FHIT: variants seen among roughly 807,000 people sequenced by gnomAD.
The protein encoded by FHIT is bis(5'-adenosyl)-triphosphatase.
FHIT carries 19 observed loss-of-function variants against 17.9 expected under a neutral mutation model. The ratio of observed to expected loss-of-function variants is 1.06; its 90% confidence interval spans 0.74 to 1.56. The LOEUF is 1.56. FHIT is among the 40% of genes most tolerant of loss of function. FHIT has a pLI of 0.00. For missense variants in FHIT, 248 were observed against 189.2 expected, an observed-to-expected ratio of 1.31 and a Z score of -1.82; for synonymous variants, 81 against 69.7, an observed-to-expected ratio of 1.16 and a Z score of -0.81.
intron 5 of FHIT, among the ~76,000 whole-genome samples, chr3:60,093,746 G>A (rs1029957020): frequency 2.0e-5 from 3 of 152,176 alleles, no homozygotes; most frequent in Non-Finnish European, 4.4e-5. Context: ...GGCTCCTTAT[G>A]AGAATTTAAT....
intron 7 of FHIT, among the ~76,000 whole-genome samples, chr3:60,009,892 C>T (rs1468461618): frequency 6.6e-6 from 1 of 152,148 alleles, no homozygotes; most frequent in Non-Finnish European, 1.5e-5. Context: ...TTTAGAATGG[C>T]TAAATGAAAT....
At chr3:59,985,982 G>C (rs1476461648) in intron 7 of FHIT, among the ~76,000 whole-genome samples, 1 of 152,016 alleles carries the variant, frequency 6.6e-6, no homozygotes, top group Non-Finnish European at 1.5e-5. Flanking sequence ...GAGGAGAGCA[G>C]AGAAAGGATG....
intron 4 of FHIT, among the ~76,000 whole-genome samples, chr3:60,812,232 G>C (rs1269713818): frequency 6.9e-6 from 1 of 144,730 alleles, no homozygotes; most frequent in Non-Finnish European, 1.5e-5. Context: ...GAGTCATCTT[G>C]GCTCACTGCA....
intron 5 of FHIT, among the ~76,000 whole-genome samples, chr3:60,441,012 C>T (rs2030748069): frequency 6.6e-6 from 1 of 152,068 alleles, no homozygotes. Context: ...AAGAGTCATC[C>T]TTTCTTGGAA....
intron 1 of FHIT, among the ~76,000 whole-genome samples, chr3:61,249,930 AACAACACACACACACACACAC>A (rs1301411747): frequency 7.8e-6 from 1 of 128,442 alleles, no homozygotes; most frequent in Non-Finnish European, 1.7e-5. Context: ...TGCAATCAAT[AACAACACACACACACACACAC>A]ACACACACAC....
At chr3:60,394,914 G>A (rs184924683) in intron 5 of FHIT, among the ~76,000 whole-genome samples, 1 of 152,120 alleles carries the variant, frequency 6.6e-6, no homozygotes, top group East Asian at 1.9e-4. Context: ...AAGTTGTGAA[G>A]GAAGACTATA....
At position 59,792,880 on chromosome 3, in the gene FHIT, G is replaced by GA. The variant is rs1553679185; in HGVS notation, c.349-40560_349-40559insT. ...TGGAGGTCCTTATTTTTTGGGGGGG[G>GA]GGGTCATGAACCTCCTTGAAAATCT... On this transcript the variant is annotated intron_variant, in intron 8 of 9. Coordinates refer to ENST00000492590, the MANE Select transcript of FHIT (RefSeq NM_002012.4). Among the ~76,000 whole-genome samples, 14 of 146,810 alleles carry GA rather than the reference G, an allele frequency of 9.5e-5. 1 individual carries two copies. Among genetic ancestry groups the GA allele is most frequent in the African/African-American group, 3.2e-4 (13 of 40,370 alleles).
At chr3:60,620,282 A>G (rs973321189) in intron 4 of FHIT, among the ~76,000 whole-genome samples, 1 of 152,190 alleles carries the variant, frequency 6.6e-6, no homozygotes, top group African/African-American at 2.4e-5. Context: ...CAATCCAGCA[A>G]TTATAATCCT....
rs1559547583 is a variant in FHIT at position 60,569,740 on chromosome 3, T to TACAC, written c.-17-32762_-17-32761insGTGT. On this transcript the variant is annotated intron_variant, in intron 4 of 9. Coordinates refer to ENST00000492590, the MANE Select transcript of FHIT (RefSeq NM_002012.4). Reference sequence around the variant, plus strand: ...TTTATTAATACTATATATATATATATATATATATATATATATTTTTTTTTT... The same window carrying TACAC: ...TTTATTAATACTATATATATATATATACACATATATATATATATATTTTTTTTTT... Among the ~76,000 whole-genome samples the TACAC allele has an allele frequency of 1.8e-4, 15 of 83,474 alleles. No homozygotes were observed. In the South Asian group the frequency reaches 2.9e-3, roughly 16 times the overall value. 54.8% of individuals were successfully genotyped at this position (83,474 alleles called of 152,430 possible).
chr3:60,442,158 C>T (rs562876315), intron 5 of FHIT, among the ~76,000 whole-genome samples: 1 of 151,882 alleles, frequency 6.6e-6, no homozygotes, highest in East Asian at 1.9e-4. Context: ...CCATGCCCAG[C>T]CCTGGTCACT....
At chr3:60,023,759 T>C (rs1012679647) in intron 5 of FHIT, among the ~76,000 whole-genome samples, 1 of 152,228 alleles carries the variant, frequency 6.6e-6, no homozygotes, top group African/African-American at 2.4e-5. Context: ...TAGGCTCAAC[T>C]AGGATTCCTG....
chr3:60,783,141 C>A (rs1451248753), intron 4 of FHIT, among the ~76,000 whole-genome samples: 1 of 126,754 alleles, frequency 7.9e-6, no homozygotes, highest in Non-Finnish European at 1.7e-5. Flanking sequence ...GCGCCACCAG[C>A]TAATTTTTGC....
At chr3:60,463,960 G>T (rs1319742693) in intron 5 of FHIT, among the ~76,000 whole-genome samples, 1 of 152,204 alleles carries the variant, frequency 6.6e-6, no homozygotes, top group Non-Finnish European at 1.5e-5. Context: ...TCTAGCAAGT[G>T]TGTGGCAAAG....
intron 5 of FHIT, among the ~76,000 whole-genome samples, chr3:60,407,678 C>T (rs1701920960): frequency 6.6e-6 from 1 of 152,134 alleles, no homozygotes; most frequent in East Asian, 1.9e-4. Context: ...CCAGGCCTGG[C>T]TAAATTTTTT....
intron 3 of FHIT, among the ~76,000 whole-genome samples, chr3:60,931,560 C>T (rs71313796): frequency 1.6e-4 from 25 of 151,744 alleles, no homozygotes; most frequent in Non-Finnish European, 7.4e-5. Flanking sequence ...GAAAATGAAG[C>T]GGTCAAATCG....
chr3:60,054,432 G>C (rs1012194263), intron 5 of FHIT, among the ~76,000 whole-genome samples: 6 of 152,138 alleles, frequency 3.9e-5, no homozygotes, highest in African/African-American at 1.2e-4. Flanking sequence ...AATGCACCCT[G>C]TGATCCTGTT....
chr3:61,221,452 T>C (rs1016054227), intron 1 of FHIT, among the ~76,000 whole-genome samples: 1 of 152,218 alleles, frequency 6.6e-6, no homozygotes, highest in Non-Finnish European at 1.5e-5. Flanking sequence ...TATTCAGTGT[T>C]TAACTTCATT....
intron 3 of FHIT, among the ~76,000 whole-genome samples, chr3:60,905,147 T>C (rs1553764196): frequency 6.6e-6 from 1 of 152,050 alleles, no homozygotes; most frequent in African/African-American, 2.4e-5. Context: ...AGAACCTGGG[T>C]GTGGTGTACA....
intron 5 of FHIT, among the ~76,000 whole-genome samples, chr3:60,064,068 A>G: frequency 6.6e-6 from 1 of 152,180 alleles, no homozygotes; most frequent in East Asian, 1.9e-4. Context: ...CTACAGAAGA[A>G]ACTTCACAAT....
Sources: allele counts gnomAD v4.1 joint callset (sites outside exome capture counted in the v4.1 genomes callset), GRCh38; gene constraint gnomAD v4.1.1; transcripts MANE v1.5; gene names NCBI Gene and HGNC (gene_info 2026-07-23, HGNC 2026-07-21).